ENTREP2: variants seen among roughly 807,000 people sequenced by gnomAD.
ENTREP2 encodes protein ENTREP2.
chr15:29,533,903 G>A, the ENTREP2 span, among the ~76,000 whole-genome samples: 2 of 152,126 alleles, frequency 1.3e-5, no homozygotes, highest in South Asian at 4.2e-4. Context: ...TGAGAAACAG[G>A]ACAGAGTTTG....
chr15:29,283,604 CCACCAAAACAATGCAG>C, the ENTREP2 span, among the ~76,000 whole-genome samples: 1 of 152,124 alleles, frequency 6.6e-6, no homozygotes, highest in Non-Finnish European at 1.5e-5. Flanking sequence ...AACTCCACAC[CCACCAAAACAATGCAG>C]CACAGCAAAC....
chr15:29,626,899 A>G, the ENTREP2 span, among the ~76,000 whole-genome samples: 1 of 152,204 alleles, frequency 6.6e-6, no homozygotes, highest in Non-Finnish European at 1.5e-5. Context: ...ATAAAAAAAC[A>G]AATAAAAATA....
the ENTREP2 span, among the ~76,000 whole-genome samples, chr15:29,446,008 G>A: frequency 6.6e-6 from 1 of 152,182 alleles, no homozygotes; most frequent in African/African-American, 2.4e-5. Context: ...AAATTATTGA[G>A]AGTGAGGGCT....
the ENTREP2 span, among the ~76,000 whole-genome samples, chr15:29,140,132 C>T: frequency 1.3e-5 from 2 of 152,232 alleles, no homozygotes; most frequent in East Asian, 3.9e-4. Flanking sequence ...GTAAGCTCAG[C>T]ACCCTCTTCT....
At chr15:29,550,991 G>A in the ENTREP2 span, among the ~76,000 whole-genome samples, 3 of 152,108 alleles carry the variant, frequency 2.0e-5, no homozygotes, top group Admixed American at 6.6e-5. Context: ...GGCCTGACAC[G>A]TTATCCACCC....
the ENTREP2 span, among the ~76,000 whole-genome samples, chr15:29,330,282 CAAA>C: frequency 8.9e-6 from 1 of 112,882 alleles, no homozygotes. Context: ...ACTAAAAATA[CAAA>C]AAAAAAAAAA....
At chr15:29,673,139 A>G in the ENTREP2 span, among the ~76,000 whole-genome samples, 1 of 152,124 alleles carries the variant, frequency 6.6e-6, no homozygotes, top group Non-Finnish European at 1.5e-5. Context: ...TTAGCATGCT[A>G]AACATTATAA....
At chr15:29,308,500 G>A in the ENTREP2 span, among the ~76,000 whole-genome samples, 21 of 152,186 alleles carry the variant, frequency 1.4e-4, no homozygotes, top group East Asian at 3.7e-3. Flanking sequence ...CCTGGGCGCC[G>A]AGTGGACCTG....
the ENTREP2 span, among the ~76,000 whole-genome samples, chr15:29,337,232 G>A: frequency 6.6e-6 from 1 of 152,224 alleles, no homozygotes; most frequent in Non-Finnish European, 1.5e-5. Flanking sequence ...GGGAAAGCAT[G>A]GAGCTGAAGA....
the ENTREP2 span, among the ~76,000 whole-genome samples, chr15:29,150,477 A>C: frequency 6.6e-6 from 1 of 152,232 alleles, no homozygotes; most frequent in Non-Finnish European, 1.5e-5. Flanking sequence ...ACAGATCAAT[A>C]GTAAAATCTG....
the ENTREP2 span, among the ~76,000 whole-genome samples, chr15:29,360,677 C>G: frequency 6.6e-6 from 1 of 152,196 alleles, no homozygotes; most frequent in Non-Finnish European, 1.5e-5. Flanking sequence ...ACCAGAGTAC[C>G]TGCTTATACC....
At chr15:29,488,168 G>A in the ENTREP2 span, among the ~76,000 whole-genome samples, 1 of 152,114 alleles carries the variant, frequency 6.6e-6, no homozygotes, top group Non-Finnish European at 1.5e-5. Flanking sequence ...AAAGGAAAAG[G>A]AGCTAAAGGA....
the ENTREP2 span, among the ~76,000 whole-genome samples, chr15:29,255,559 A>G: frequency 3.7e-3 from 561 of 152,246 alleles, 3 homozygotes; most frequent in Middle Eastern, 0.014. Context: ...CCAAAAAATA[A>G]AAAACCCCAC....
chr15:29,578,935 TAACTC>T, the ENTREP2 span, among the ~76,000 whole-genome samples: 1 of 152,162 alleles, frequency 6.6e-6, no homozygotes, highest in East Asian at 1.9e-4. Context: ...GAGTTCCAGT[TAACTC>T]AACTAGCACT....
At chr15:29,552,278 C>G in the ENTREP2 span, among the ~76,000 whole-genome samples, 1 of 152,070 alleles carries the variant, frequency 6.6e-6, no homozygotes, top group African/African-American at 2.4e-5. Flanking sequence ...TTTTTCATAG[C>G]AAGTGAACAA....
chr15:29,402,062 G>A, the ENTREP2 span, among the ~76,000 whole-genome samples: 1 of 151,988 alleles, frequency 6.6e-6, no homozygotes, highest in Non-Finnish European at 1.5e-5. Flanking sequence ...ATCCATGCAT[G>A]TATTATGTTA....
the ENTREP2 span, among the ~76,000 whole-genome samples, chr15:29,338,591 T>C: frequency 6.6e-6 from 1 of 151,812 alleles, no homozygotes; most frequent in Non-Finnish European, 1.5e-5. Flanking sequence ...GTCGCCTCCA[T>C]AGGGCACTGG....
chr15:29,666,580 C>T, the ENTREP2 span, among the ~76,000 whole-genome samples: 1 of 152,186 alleles, frequency 6.6e-6, no homozygotes, highest in Non-Finnish European at 1.5e-5. Flanking sequence ...CAATAACCTC[C>T]TCTCCCTTAT....
chr15:29,131,282 G>A, the ENTREP2 span, among the ~76,000 whole-genome samples: 1 of 151,940 alleles, frequency 6.6e-6, no homozygotes, highest in African/African-American at 2.4e-5. Context: ...ATTTTATGTG[G>A]ATCGTAAGTG....
Sources: allele counts gnomAD v4.1 joint callset (sites outside exome capture counted in the v4.1 genomes callset), GRCh38; gene constraint gnomAD v4.1.1; transcripts MANE v1.5; gene names NCBI Gene and HGNC (gene_info 2026-07-23, HGNC 2026-07-21).